Variants in RBM47 observed in about 807,000 individuals in gnomAD.
RBM47 encodes the protein RNA binding motif protein 47, also known as RNA-binding protein 47.
RBM47 carries 21 observed loss-of-function variants against 47.1 expected under a neutral mutation model. That is an observed-to-expected ratio of 0.45 (90% CI 0.32 to 0.64). The LOEUF is 0.64. Among genes scored for constraint, RBM47 ranks in the 30% least tolerant of loss-of-function variants. The pLI is 0.05. For synonymous variants in RBM47, 375 were observed against 361.7 expected (o/e 1.04, Z -0.42); for missense variants, 708 against 870.9 (o/e 0.81, Z 2.35).
intron 1 of RBM47, among the ~76,000 whole-genome samples, chr4:40,575,211 C>A (rs10025907): frequency 0.12 from 18,178 of 152,136 alleles, 3,046 homozygotes; most frequent in African/African-American, 0.37. Context: ...AAACACTGAA[C>A]AGACACTGTA....
At chr4:40,485,163 CAG>C in intron 2 of RBM47, among the ~76,000 whole-genome samples, 1 of 152,190 alleles carries the variant, frequency 6.6e-6, no homozygotes, top group African/African-American at 2.4e-5. Context: ...TGCACACACA[CAG>C]AAATTCACTA....
chr4:40,550,593 G>T (rs6447187), intron 1 of RBM47, among the ~76,000 whole-genome samples: 1 of 151,828 alleles, frequency 6.6e-6, no homozygotes, highest in African/African-American at 2.4e-5. Flanking sequence ...TAATTTTTGT[G>T]TTTTTAGTAG....
chr4:40,440,299 G>A (rs1713425359), intron 3 of RBM47, among the ~76,000 whole-genome samples: 1 of 152,162 alleles, frequency 6.6e-6, no homozygotes, highest in Non-Finnish European at 1.5e-5. Flanking sequence ...TGAGGAGGTG[G>A]GAGGGGGAAG....
intron 2 of RBM47, among the ~76,000 whole-genome samples, chr4:40,519,297 C>T (rs1365459288): frequency 3.8e-5 from 5 of 130,090 alleles, no homozygotes; most frequent in Admixed American, 1.6e-4. Context: ...CTCCTTCAAT[C>T]TTTTTTTTTT....
chr4:40,630,692 C>T (rs1738142451), upstream of RBM47: 2 of 152,340 alleles, frequency 1.3e-5, no homozygotes, highest in African/African-American at 4.8e-5. Flanking sequence ...TGCCTGCTCT[C>T]TGGGGAGTTG....
At chr4:40,620,778 C>T (rs966354590) in intron 1 of RBM47, among the ~76,000 whole-genome samples, 2 of 152,142 alleles carry the variant, frequency 1.3e-5, no homozygotes, top group African/African-American at 4.8e-5. Flanking sequence ...AAGCAATCCA[C>T]CCACCTCAGT....
intron 1 of RBM47, among the ~76,000 whole-genome samples, chr4:40,545,330 C>A (rs368304277): frequency 7.5e-5 from 11 of 146,516 alleles, no homozygotes; most frequent in Admixed American, 6.8e-4. Flanking sequence ...GGATTACAGG[C>A]GTGAGCCACG....
chr4:40,439,845 G>C (rs1418750581), intron 3 of RBM47, among the ~76,000 whole-genome samples: 1 of 152,180 alleles, frequency 6.6e-6, no homozygotes, highest in African/African-American at 2.4e-5. Flanking sequence ...TCTGGCTCCA[G>C]ATTCCCTGTT....
chr4:40,569,143 ACAGT>A (rs1731431697), intron 1 of RBM47, among the ~76,000 whole-genome samples: 2 of 152,028 alleles, frequency 1.3e-5, no homozygotes, highest in African/African-American at 4.8e-5. Context: ...GATCCAGCAT[ACAGT>A]CAAAGATAAC....
chr4:40,477,779 T>TA (rs1719827643), intron 2 of RBM47, among the ~76,000 whole-genome samples: 1 of 152,132 alleles, frequency 6.6e-6, no homozygotes, highest in African/African-American at 2.4e-5. Flanking sequence ...CTGCCCTAAA[T>TA]AAAAAATGAG....
intron 1 of RBM47, among the ~76,000 whole-genome samples, chr4:40,602,583 G>A (rs1477939401): frequency 6.6e-6 from 1 of 151,122 alleles, no homozygotes; most frequent in Non-Finnish European, 1.5e-5. Flanking sequence ...AGGAGGCGGA[G>A]GTTGCAGTGA....
chr4:40,486,359 G>A (rs931446271), intron 2 of RBM47, among the ~76,000 whole-genome samples: 2 of 152,072 alleles, frequency 1.3e-5, no homozygotes, highest in South Asian at 2.1e-4. Flanking sequence ...CAATACATAC[G>A]AGCAAAGATA....
At chr4:40,430,029 TAA>T (rs1174274097) in intron 6 of RBM47, among the ~76,000 whole-genome samples, 4 of 151,562 alleles carry the variant, frequency 2.6e-5, no homozygotes. Flanking sequence ...CCGTCTCCAC[TAA>T]AAAAATACAA....
intron 1 of RBM47, among the ~76,000 whole-genome samples, chr4:40,551,428 A>G (rs1440893027): frequency 6.6e-6 from 1 of 152,182 alleles, no homozygotes; most frequent in African/African-American, 2.4e-5. Flanking sequence ...ATCTGTGAAT[A>G]TATTCAATAT....
intron 1 of RBM47, among the ~76,000 whole-genome samples, chr4:40,575,446 G>A (rs1732193855): frequency 6.6e-6 from 1 of 151,496 alleles, no homozygotes; most frequent in South Asian, 2.1e-4. Flanking sequence ...CAGCTACTCA[G>A]GAGGCTGAGG....
At chr4:40,538,740 G>A (rs1728220224) in intron 2 of RBM47, among the ~76,000 whole-genome samples, 1 of 152,028 alleles carries the variant, frequency 6.6e-6, no homozygotes, top group Non-Finnish European at 1.5e-5. Context: ...GGGTTCAAGT[G>A]ATTCTCCTGC....
intron 1 of RBM47, among the ~76,000 whole-genome samples, chr4:40,626,688 G>A (rs1348051594): frequency 2.0e-5 from 3 of 152,208 alleles, no homozygotes; most frequent in East Asian, 3.9e-4. Context: ...GGACGAGATC[G>A]CCCTCCCCAC....
intron 1 of RBM47, among the ~76,000 whole-genome samples, chr4:40,605,801 A>G (rs1328247788): frequency 6.6e-6 from 1 of 152,088 alleles, no homozygotes; most frequent in Non-Finnish European, 1.5e-5. Flanking sequence ...ACTGCACTCC[A>G]GCCTGAGCAA....
chr4:40,534,291 T>C (rs1727703994), intron 2 of RBM47, among the ~76,000 whole-genome samples: 1 of 151,888 alleles, frequency 6.6e-6, no homozygotes, highest in Non-Finnish European at 1.5e-5. Flanking sequence ...ATTCACAACA[T>C]GATTGAAACT....
Sources: allele counts gnomAD v4.1 joint callset (sites outside exome capture counted in the v4.1 genomes callset), GRCh38; gene constraint gnomAD v4.1.1; transcripts MANE v1.5; gene names NCBI Gene and HGNC (gene_info 2026-07-23, HGNC 2026-07-21).